The following LEMD3 variants were observed in gnomAD, a reference collection of about 807,000 sequenced individuals.
The protein encoded by LEMD3 is LEM domain containing 3, also known as inner nuclear membrane protein Man1.
In LEMD3, 33 loss-of-function variants were observed where a neutral mutation model predicts 95.2. That is an observed-to-expected ratio of 0.35 (90% CI 0.26 to 0.46). The LOEUF is 0.46. Among genes scored for constraint, LEMD3 ranks in the 20% least tolerant of loss-of-function variants. The pLI is 1.00. For synonymous variants in LEMD3, 525 were observed against 474.6 expected (o/e 1.11, Z -1.38); for missense variants, 1,210 against 1,192.8 (o/e 1.01, Z -0.21).
intron 1 of LEMD3, among the ~76,000 whole-genome samples, chr12:65,198,230 C>T (rs1592440305): frequency 6.6e-6 from 1 of 152,122 alleles, no homozygotes; most frequent in East Asian, 1.9e-4. Context: ...AAATTTCTTC[C>T]TACAGTGAGC....
chr12:65,188,756 A>G (rs541934526), intron 1 of LEMD3, among the ~76,000 whole-genome samples: 78 of 152,310 alleles, frequency 5.1e-4, no homozygotes, highest in African/African-American at 1.8e-3. Context: ...ATGGAATACA[A>G]AAGTCATGAT....
At chr12:65,172,737 T>TC (rs1868594063) in intron 1 of LEMD3, among the ~76,000 whole-genome samples, 1 of 151,746 alleles carries the variant, frequency 6.6e-6, no homozygotes, top group South Asian at 2.1e-4. Flanking sequence ...TTTCTTTTTT[T>TC]TTTTTTTTAG....
intron 1 of LEMD3, among the ~76,000 whole-genome samples, chr12:65,207,160 G>C (rs2136333728): frequency 6.6e-6 from 1 of 152,250 alleles, no homozygotes; most frequent in Admixed American, 6.5e-5. Flanking sequence ...GCGCGTATTA[G>C]GAACTCAGTA....
At chr12:65,187,736 C>G (rs1467798421) in intron 1 of LEMD3, among the ~76,000 whole-genome samples, 5 of 152,016 alleles carry the variant, frequency 3.3e-5, no homozygotes, top group Non-Finnish European at 5.9e-5. Flanking sequence ...AATATGTATG[C>G]ATTTTTGCAG....
Position 65,214,236 on chromosome 12 carries a change from C to T in LEMD3, c.1561-1741C>T, listed in dbSNP as rs150120943. Among the ~76,000 whole-genome samples, 46 of 152,174 alleles carry T rather than the reference C, an allele frequency of 3.0e-4. 2 individuals are homozygous for T. Among genetic ancestry groups the T allele is most frequent in the African/African-American group, 1.1e-3 (44 of 41,530 alleles). On this transcript the variant is annotated intron_variant, in intron 2 of 12. Coordinates refer to ENST00000308330, the MANE Select transcript of LEMD3 (RefSeq NM_014319.5). ...CATGCCACCACGCTCAGCTCATGTT[C>T]CACCCTCCTCGGCCTCCCAAAGTGC... is the stretch of plus-strand genomic sequence containing the variant.
chr12:65,186,649 T>TC (rs1869074215), intron 1 of LEMD3, among the ~76,000 whole-genome samples: 2 of 151,256 alleles, frequency 1.3e-5, no homozygotes, highest in Non-Finnish European at 3.0e-5. Flanking sequence ...TTTTTTTTTT[T>TC]TCGACACCTG....
intron 4 of LEMD3, 68 bp downstream of exon 4, chr12:65,218,687 A>C (rs1195761002): frequency 2.2e-6 from 2 of 897,802 alleles, no homozygotes; most frequent in Non-Finnish European, 3.5e-6. Flanking sequence ...GCTACTTGTA[A>C]GAATCATATG....
intron 9 of LEMD3, among the ~76,000 whole-genome samples, chr12:65,242,983 A>G (rs1346297020): frequency 6.6e-6 from 1 of 152,140 alleles, no homozygotes; most frequent in Non-Finnish European, 1.5e-5. Flanking sequence ...TTCGTGCCCC[A>G]GGAGCTGTGT....
rs1435295938 is a variant in LEMD3, at chr12:65,240,232, A to G, written c.2120A>G (p.His707Arg). The G allele has an allele frequency of 5.0e-6, 8 of 1,606,594 alleles. No homozygotes were observed. The highest frequency in any genetic ancestry group is 6.8e-6 in the Non-Finnish European group (8 of 1,173,266). ...PHVRDSLIQP[H>R]DRKKMKKVWD... is the part of the protein sequence containing the mutation. ...GTACGCGATTCCTTAATACAGCCTC[A>G]TGACAGGTGTGTTCAAAGCATTATG... The change falls in exon 8 of 13, where the codon CAT (histidine) becomes CGT (arginine). Residue 707 changes from histidine (H) to arginine (R), a missense_variant. Physicochemically the swap from His to Arg is conservative, Grantham distance 29. Transcript: ENST00000308330.
intron 4 of LEMD3, among the ~76,000 whole-genome samples, chr12:65,231,548 G>A (rs377174228): frequency 6.6e-6 from 1 of 152,070 alleles, no homozygotes; most frequent in Non-Finnish European, 1.5e-5. Context: ...ATAGCTAGGT[G>A]TGGTGGCACA....
At chr12:65,206,107 T>C (rs1869755885) in intron 1 of LEMD3, among the ~76,000 whole-genome samples, 1 of 152,140 alleles carries the variant, frequency 6.6e-6, no homozygotes, top group Non-Finnish European at 1.5e-5. Flanking sequence ...AGGTGCAGTG[T>C]TTTGCAGCTG....
chr12:65,228,151 G>A (rs924321363), intron 4 of LEMD3, among the ~76,000 whole-genome samples: 5 of 152,056 alleles, frequency 3.3e-5, no homozygotes, highest in Non-Finnish European at 7.4e-5. Context: ...TTTTCTTGTA[G>A]CTGTGGGTCA....
chr12:65,223,703 G>T (rs1870361875), intron 4 of LEMD3, among the ~76,000 whole-genome samples: 2 of 151,646 alleles, frequency 1.3e-5, no homozygotes, highest in Non-Finnish European at 2.9e-5. Context: ...CTTTGATTTG[G>T]GAGTTTAGTC....
intron 1 of LEMD3, among the ~76,000 whole-genome samples, chr12:65,210,071 C>A (rs1330881622): frequency 1.3e-5 from 2 of 151,578 alleles, no homozygotes; most frequent in African/African-American, 4.8e-5. Context: ...GAATAAAAAC[C>A]CTGAGAGGTG....
intron 9 of LEMD3, among the ~76,000 whole-genome samples, chr12:65,241,315 T>C (rs985013564): frequency 1.3e-5 from 2 of 152,092 alleles, no homozygotes; most frequent in African/African-American, 4.8e-5. Flanking sequence ...TCCTTGAATC[T>C]TGCCTTTTTC....
intron 1 of LEMD3, among the ~76,000 whole-genome samples, chr12:65,177,352 CAT>C (rs1226805622): frequency 6.6e-6 from 1 of 152,054 alleles, no homozygotes; most frequent in Non-Finnish European, 1.5e-5. Flanking sequence ...TGAAGAAAGA[CAT>C]ATGGTTTTGA....
rs370513905 is a variant in LEMD3 at position 65,181,931 on chromosome 12, C to T, written c.1522+10813C>T. 7.9e-5 allele frequency among the ~76,000 whole-genome samples: 12 copies of T among 151,282 alleles called. No individual in the cohort carries two copies. The East Asian group carries it at 1.6e-3, about 20-fold the overall frequency. On this transcript the variant is annotated intron_variant, in intron 1 of 12. Transcript: ENST00000308330. ...TTTTTAATTTCATCTCTAAATGTCC[C>T]GTCTTTCAGATTTTAAAGCCTTAGG... is the stretch of plus-strand genomic sequence containing the variant.
intron 4 of LEMD3, among the ~76,000 whole-genome samples, chr12:65,221,422 T>A (rs1870284158): frequency 6.6e-6 from 1 of 152,096 alleles, no homozygotes; most frequent in Non-Finnish European, 1.5e-5. Flanking sequence ...GGGGCCTTGC[T>A]ATGTTGCCCA....
At chr12:65,187,291 G>A (rs1430305735) in intron 1 of LEMD3, among the ~76,000 whole-genome samples, 2 of 152,112 alleles carry the variant, frequency 1.3e-5, no homozygotes, top group Non-Finnish European at 2.9e-5. Flanking sequence ...ATGAGGATAT[G>A]TGTAGACTTC....
Sources: gnomAD v4.1 joint callset for allele counts (sites outside exome capture counted in the v4.1 genomes callset) on GRCh38, gnomAD v4.1.1 for gene constraint, MANE v1.5 for transcripts, NCBI Gene and HGNC (gene_info 2026-07-23, HGNC 2026-07-21) for gene names.